Variants in RNF212 observed in about 807,000 individuals in gnomAD.
RNF212 encodes the protein probable E3 SUMO-protein ligase RNF212.
RNF212 carries 33 observed loss-of-function variants against 34.7 expected under a neutral mutation model. The observed-to-expected ratio is 0.95, with a 90% CI of 0.72 to 1.27. The LOEUF (loss-of-function observed/expected upper bound fraction) is 1.27. Among genes scored for constraint, RNF212 ranks in the 50% most tolerant of loss-of-function variants. The pLI is 0.00. For synonymous variants in RNF212, 140 were observed against 136.1 expected (o/e 1.03, Z -0.20); for missense variants, 377 against 362.2 (o/e 1.04, Z -0.33).
At chr4:1,065,169 A>C (rs972300688) in intron 3 of RNF212, among the ~76,000 whole-genome samples, 1 of 152,206 alleles carries the variant, frequency 6.6e-6, no homozygotes, top group Non-Finnish European at 1.5e-5. Context: ...ATGCAGCATC[A>C]TCTGGGAATT....
intron 8 of RNF212, among the ~76,000 whole-genome samples, chr4:1,078,079 G>A (rs1719626920): frequency 6.6e-6 from 1 of 152,130 alleles, no homozygotes; most frequent in African/African-American, 2.4e-5. Flanking sequence ...GGCTCCGGGT[G>A]TGATTACCCA....
intron 8 of RNF212, among the ~76,000 whole-genome samples, chr4:1,077,556 T>C (rs1478930305): frequency 3.3e-5 from 5 of 152,338 alleles, no homozygotes; most frequent in Admixed American, 1.3e-4. Flanking sequence ...GAGTATTCTC[T>C]ATCCTCCTCA....
At chr4:1,100,281 C>T (rs1237315378) in intron 2 of RNF212, 5 of 246,678 alleles carry the variant, frequency 2.0e-5, no homozygotes, top group Non-Finnish European at 3.2e-5. Flanking sequence ...GTCACAACAC[C>T]GTCAGATCCA....
At chr4:1,085,730 G>T (rs925747329) in intron 5 of RNF212, 166 bp downstream of exon 5, 1 of 632,308 alleles carries the variant, frequency 1.6e-6, no homozygotes, top group Non-Finnish European at 2.8e-6. Context: ...CTTCCCTTCG[G>T]TTTTCCCACA....
chr4:1,099,429 G>A (rs1240756346), intron 2 of RNF212, among the ~76,000 whole-genome samples: 4 of 152,150 alleles, frequency 2.6e-5, no homozygotes, highest in Non-Finnish European at 5.9e-5. Context: ...AAATCTAAGT[G>A]AGTATTAACT....
At chr4:1,079,415 C>A (rs959812495) in intron 8 of RNF212, among the ~76,000 whole-genome samples, 3 of 152,262 alleles carry the variant, frequency 2.0e-5, no homozygotes, top group Admixed American at 6.5e-5. Context: ...TTTTGTTTCT[C>A]CAGATGCAAC....
intron 3 of RNF212, among the ~76,000 whole-genome samples, chr4:1,059,382 T>C (rs1044368847): frequency 3.3e-5 from 5 of 152,230 alleles, no homozygotes; most frequent in African/African-American, 7.2e-5. Context: ...CCTTCACTTC[T>C]GTCTTGTATC....
chr4:1,085,201 C>T (rs1720979473), intron 5 of RNF212, among the ~76,000 whole-genome samples: 1 of 152,232 alleles, frequency 6.6e-6, no homozygotes, highest in Non-Finnish European at 1.5e-5. Flanking sequence ...GTAATATGTG[C>T]CACATCTGTG....
intron 3 of RNF212, among the ~76,000 whole-genome samples, chr4:1,062,657 T>C (rs1486212012): frequency 1.3e-5 from 2 of 152,120 alleles, no homozygotes; most frequent in African/African-American, 4.8e-5. Context: ...GAGAGGGCGG[T>C]TAGGCGAGAA....
chr4:1,094,296 T>C (rs2153054632), intron 3 of RNF212, among the ~76,000 whole-genome samples: 1 of 152,224 alleles, frequency 6.6e-6, no homozygotes, highest in East Asian at 1.9e-4. Flanking sequence ...CCTGGCAGCT[T>C]TCCCCCAGAC....
At position 1,073,106 on chromosome 4, in the gene RNF212, C is replaced by G. The variant is rs777607445; in HGVS notation, c.662G>C (p.Gly221Ala). ...GACGTCTATGCAGAAACATGGTGAA[C>G]CTCTGGAAATGACACACTCTCCGGG... ...PVPGECVISR[G>A]SPCFCIDVCP... The change falls in exon 10 of 10, where the codon GGT (glycine) becomes GCT (alanine). Residue 221 changes from glycine to alanine, a missense_variant. Physicochemically the swap from Gly to Ala is moderately conservative, Grantham distance 60. Coordinates refer to ENST00000433731, the MANE Select transcript of RNF212 (RefSeq NM_001131034.4). 6.2e-7 allele frequency: 1 copy of G among 1,614,106 alleles called. No individual in the cohort carries two copies. Among genetic ancestry groups the G allele is most frequent in the Non-Finnish European group, 8.5e-7 (1 of 1,180,038 alleles).
chr4:1,070,467 A>G (rs35755486), downstream of RNF212, among the ~76,000 whole-genome samples: 3 of 76,116 alleles, frequency 3.9e-5, no homozygotes, highest in Non-Finnish European at 3.4e-5. Flanking sequence ...GTTTCGTAGG[A>G]CTGTGCTGTG....
intron 3 of RNF212, among the ~76,000 whole-genome samples, chr4:1,059,475 G>T (rs1717595893): frequency 6.6e-6 from 1 of 152,216 alleles, no homozygotes; most frequent in African/African-American, 2.4e-5. Flanking sequence ...GGAGGCCACG[G>T]TGAGCACACT....
At position 1,072,141 on chromosome 4, in the gene RNF212, C is replaced by T. The variant is rs1718561385; in HGVS notation, c.*733G>A. The T allele has an allele frequency of 6.6e-6, 1 of 152,078 alleles. No homozygotes were observed. Among genetic ancestry groups the T allele is most frequent in the African/African-American group, 2.4e-5 (1 of 41,404 alleles). 9.4% of individuals were successfully genotyped at this position (152,078 alleles called of 1,614,324 possible). On this transcript the variant is annotated 3_prime_UTR_variant, in exon 10 of 10. Coordinates refer to ENST00000433731, the MANE Select transcript of RNF212 (RefSeq NM_001131034.4). ...ATGGGGGAACCATAAGTGTGTATTGCTAAGTGAAAGGAGTCAATCTGAGAA... is the reference window on the plus strand; with the variant it reads ...ATGGGGGAACCATAAGTGTGTATTGTTAAGTGAAAGGAGTCAATCTGAGAA...
intron 2 of RNF212, among the ~76,000 whole-genome samples, chr4:1,098,446 G>C (rs1221176432): frequency 6.6e-6 from 1 of 152,190 alleles, no homozygotes; most frequent in African/African-American, 2.4e-5. Flanking sequence ...CCACTCCCAG[G>C]CTCCCAGAGG....
intron 2 of RNF212, chr4:1,099,624 C>T: frequency 2.4e-6 from 1 of 420,404 alleles, no homozygotes; most frequent in South Asian, 1.7e-5. Context: ...AGGAAAATCA[C>T]AAACGAATGT....
chr4:1,070,239 T>C (rs1204831722), downstream of RNF212, among the ~76,000 whole-genome samples: 17 of 102,500 alleles, frequency 1.7e-4, no homozygotes, highest in East Asian at 3.4e-4. Flanking sequence ...GCCTGAGTTG[T>C]GGGTGGTTTT....
chr4:1,073,724 C>T (rs934126785), intron 8 of RNF212, 62 bp from the exon 9 acceptor site: 1 of 1,065,160 alleles, frequency 9.4e-7, no homozygotes, highest in Non-Finnish European at 1.5e-6. Context: ...GAGATTCGGA[C>T]TCCCACTGTC....
chr4:1,070,386 T>C (rs1718384046), downstream of RNF212, among the ~76,000 whole-genome samples: 1 of 147,224 alleles, frequency 6.8e-6, no homozygotes, highest in Non-Finnish European at 1.5e-5. Context: ...CGTGGGTGCC[T>C]GGCCTGAGTT....
Sources: allele counts gnomAD v4.1 joint callset (sites outside exome capture counted in the v4.1 genomes callset), GRCh38; gene constraint gnomAD v4.1.1; transcripts MANE v1.5; gene names NCBI Gene and HGNC (gene_info 2026-07-23, HGNC 2026-07-21).